The following DLG1 variants were observed in gnomAD, a reference collection of about 807,000 sequenced individuals.
The protein encoded by DLG1 is discs large MAGUK scaffold protein 1.
DLG1 carries 42 observed loss-of-function variants against 123.4 expected under a neutral mutation model. The ratio of observed to expected loss-of-function variants is 0.34; its 90% CI spans 0.27 to 0.44. The LOEUF is 0.44. Among genes scored for constraint, DLG1 ranks in the 20% least tolerant of loss-of-function variants. DLG1 has a pLI of 1.00. For synonymous variants in DLG1, 317 were observed against 356.2 expected (o/e 0.89, Z 1.24); for missense variants, 942 against 1,082.6 (o/e 0.87, Z 1.82).
chr3:197,209,824 T>C (rs1049283564), intron 4 of DLG1, among the ~76,000 whole-genome samples: 2 of 146,632 alleles, frequency 1.4e-5, no homozygotes, highest in African/African-American at 4.9e-5. Context: ...TGAAGCTAAA[T>C]AGGACTATGT....
At chr3:197,050,244 G>A (rs1353434780) in intron 24 of DLG1, among the ~76,000 whole-genome samples, 1 of 152,008 alleles carries the variant, frequency 6.6e-6, no homozygotes, top group Non-Finnish European at 1.5e-5. Context: ...GCAGCTGCCT[G>A]TAGTCCCAGC....
chr3:197,138,528 T>C (rs1015630445), intron 8 of DLG1, 137 bp from the exon 9 acceptor site: 2 of 340,742 alleles, frequency 5.9e-6, no homozygotes, highest in Non-Finnish European at 9.4e-6. Context: ...CCAGAAAACA[T>C]AAATGAAGAA....
chr3:197,089,635 T>C (rs1187875052), intron 15 of DLG1, among the ~76,000 whole-genome samples: 2 of 152,044 alleles, frequency 1.3e-5, no homozygotes, highest in Non-Finnish European at 2.9e-5. Context: ...ATGTTCTGAT[T>C]TTTATGCCTT....
At position 197,130,550 on chromosome 3, in the gene DLG1, T is replaced by G. The variant is rs201830088; in HGVS notation, c.1142A>C (p.Tyr381Ser). The change falls in exon 11 of 25, where the codon TAT (tyrosine) becomes TCT (serine). Residue 381 changes from tyrosine to serine, a missense_variant. Tyr to Ser is a moderately radical substitution (Grantham distance 144). Coordinates refer to ENST00000667157, the MANE Select transcript of DLG1 (RefSeq NM_001366207.1). Reference sequence around the variant, plus strand: ...ACAGTTGGTGATATCAGGTGGTGCATAGCCATCATTCATATACATACTTGT... The same window carrying G: ...ACAGTTGGTGATATCAGGTGGTGCAGAGCCATCATTCATATACATACTTGT... ...KPTSMYMNDG[Y>S]APPDITNSSS... 19 of 1,609,346 alleles carry G rather than the reference T, an allele frequency of 1.2e-5. No individual in the cohort carries two copies. Among genetic ancestry groups the G allele is most frequent in the Admixed American group, 1.7e-5 (1 of 59,434 alleles).
intron 4 of DLG1, among the ~76,000 whole-genome samples, chr3:197,276,138 T>C (rs903805834): frequency 3.0e-4 from 46 of 152,234 alleles, no homozygotes; most frequent in Non-Finnish European, 1.0e-4. Flanking sequence ...CTTTCACTCA[T>C]TTAATAACAC....
chr3:197,298,399 T>G, intron 1 of DLG1, 137 bp downstream of exon 1: 2 of 398,302 alleles, frequency 5.0e-6, no homozygotes, highest in East Asian at 7.1e-5. Context: ...GGGGTGGCCC[T>G]GGAGGAGCCC....
At chr3:197,183,518 A>G in intron 5 of DLG1, 1 of 1,450,242 alleles carries the variant, frequency 6.9e-7, no homozygotes, top group East Asian at 2.5e-5. Flanking sequence ...AGACATTTTT[A>G]CAGAGCAAAC....
intron 4 of DLG1, among the ~76,000 whole-genome samples, chr3:197,208,312 T>C (rs937953714): frequency 3.4e-5 from 5 of 146,682 alleles, no homozygotes; most frequent in African/African-American, 1.2e-4. Context: ...CTGTGGAGTG[T>C]ACACTGGTAC....
Position 197,115,954 on chromosome 3 carries a change from C to T in DLG1, c.1416G>A (p.Glu472=), listed in dbSNP as rs545946507. The change falls in exon 13 of 25, where the codon GAG becomes GAA. Residue 472 remains glutamate (E), a synonymous_variant. Transcript: ENST00000667157. ...LAGGPADLSG[E]LRKGDRIISV... is the part of the protein sequence containing the mutation. Reference sequence around the variant, plus strand: ...ATATAATACGATCTCCTTTTCTGAGCTCTCCACTTAGATCAGCAGGTCCTC... The same window carrying T: ...ATATAATACGATCTCCTTTTCTGAGTTCTCCACTTAGATCAGCAGGTCCTC... The T allele has an allele frequency of 1.3e-5, 21 of 1,612,840 alleles. No individual in the cohort carries two copies. The highest frequency in any genetic ancestry group is 1.2e-4 in the South Asian group (11 of 90,746).
At position 197,248,903 on chromosome 3, in the gene DLG1, G is replaced by A. The variant is rs1753051813; in HGVS notation, c.318+33776C>T. Among the ~76,000 whole-genome samples, 4 of 152,224 alleles carry A rather than the reference G, an allele frequency of 2.6e-5. No homozygotes were observed. In the South Asian group the frequency reaches 8.3e-4, roughly 32 times the overall value. ...AAGAGAAACTGTTCCTAACACTTGT[G>A]CACAGGAGTTCAAGACAAGAGTGAG... is the stretch of plus-strand genomic sequence containing the variant. On this transcript the variant is annotated intron_variant, in intron 4 of 24. Transcript: ENST00000667157.
At chr3:197,089,304 G>C (rs1370547012) in intron 15 of DLG1, among the ~76,000 whole-genome samples, 1 of 152,032 alleles carries the variant, frequency 6.6e-6, no homozygotes, top group African/African-American at 2.4e-5. Context: ...AGGTGGGTGA[G>C]GCCCATGAAG....
At chr3:197,238,741 AAAG>A (rs1459273890) in intron 4 of DLG1, among the ~76,000 whole-genome samples, 1 of 152,228 alleles carries the variant, frequency 6.6e-6, no homozygotes, top group Non-Finnish European at 1.5e-5. Context: ...GCAATGAATC[AAAG>A]AAGAAATCAA....
intron 14 of DLG1, among the ~76,000 whole-genome samples, chr3:197,098,578 A>G (rs779133893): frequency 6.6e-6 from 1 of 152,198 alleles, no homozygotes. Context: ...TCTGTTGCTC[A>G]GGCCGGAGTG....
chr3:197,076,552 T>G, intron 18 of DLG1, 34 bp downstream of exon 18: 1 of 1,542,262 alleles, frequency 6.5e-7, no homozygotes, highest in South Asian at 1.1e-5. Flanking sequence ...CTCTCCATTT[T>G]ATTTTCAGTT....
At chr3:197,243,695 T>C (rs1446317628) in intron 4 of DLG1, among the ~76,000 whole-genome samples, 1 of 152,214 alleles carries the variant, frequency 6.6e-6, no homozygotes, top group Non-Finnish European at 1.5e-5. Flanking sequence ...ATTCTTTTAA[T>C]GGCATTCCTA....
chr3:197,244,207 G>A (rs1750424485), intron 4 of DLG1, among the ~76,000 whole-genome samples: 1 of 152,232 alleles, frequency 6.6e-6, no homozygotes, highest in Non-Finnish European at 1.5e-5. Flanking sequence ...GGCCCTTGGG[G>A]GCTGACCCGC....
intron 4 of DLG1, among the ~76,000 whole-genome samples, chr3:197,231,125 C>T (rs1378478626): frequency 6.6e-6 from 1 of 152,178 alleles, no homozygotes; most frequent in Non-Finnish European, 1.5e-5. Context: ...AGAAATGCAG[C>T]TAGATCACAC....
intron 14 of DLG1, among the ~76,000 whole-genome samples, chr3:197,102,501 G>A (rs913893821): frequency 6.6e-6 from 1 of 152,216 alleles, no homozygotes; most frequent in African/African-American, 2.4e-5. Flanking sequence ...TGTGTTGTGT[G>A]TGCGTGTAGC....
chr3:197,260,439 C>A, intron 4 of DLG1: 1 of 211,738 alleles, frequency 4.7e-6, no homozygotes, highest in Non-Finnish European at 9.7e-6. Context: ...AGGATCCATT[C>A]TTAGAGGTAG....
Sources: gnomAD v4.1 joint callset for allele counts (sites outside exome capture counted in the v4.1 genomes callset) on GRCh38, gnomAD v4.1.1 for gene constraint, MANE v1.5 for transcripts, NCBI Gene and HGNC (gene_info 2026-07-23, HGNC 2026-07-21) for gene names.